The following CCDC88A variants were observed in gnomAD, a reference collection of about 807,000 sequenced individuals.
The protein encoded by CCDC88A is coiled-coil and HOOK domain protein 88A.
A neutral mutation model predicts 234.3 loss-of-function variants in CCDC88A; 54 were observed. That is an observed-to-expected ratio of 0.23 (90% CI 0.19 to 0.29). CCDC88A has a LOEUF of 0.29. Ranked by LOEUF, CCDC88A falls within the 10% of genes least tolerant of loss-of-function variation. The pLI is 1.00. For synonymous variants in CCDC88A, 753 were observed against 737.8 expected (o/e 1.02, Z -0.33); for missense variants, 1,832 against 2,123.4 (o/e 0.86, Z 2.70).
In CCDC88A at chr2:55,332,425, G is replaced by T; in HGVS notation, c.2855+141C>A. On this transcript the variant is annotated intron_variant, in intron 16 of 32. Coordinates refer to ENST00000436346, the MANE Select transcript of CCDC88A (RefSeq NM_001365480.1). The surrounding 1 kb of genome is among the most constrained non-coding windows in gnomAD (Gnocchi z 4.5). ...GTGTGAGCCACCGCACCCGGCTACA[G>T]AACTTTCCTTAAGGGAAGGAAGGAA... The T allele has an allele frequency of 7.4e-7, 1 of 1,347,078 alleles. No individual in the cohort carries two copies. The highest frequency in any genetic ancestry group is 9.5e-7 in the Non-Finnish European group (1 of 1,048,704). The allele number at this position is 1,347,078 out of a possible 1,614,324, so 83.4% of individuals were successfully genotyped here.
chr2:55,291,309 T>G (rs1388549416), intron 32 of CCDC88A, 145 bp from the exon 33 acceptor site: 1 of 154,750 alleles, frequency 6.5e-6, no homozygotes, highest in Non-Finnish European at 1.4e-5. Context: ...CAATCAGAGA[T>G]AATTTTTGAG....
In CCDC88A at chr2:55,296,507, G is replaced by T. The variant is rs1314174388; in HGVS notation, c.4842C>A (p.Asn1614Lys). The T allele has an allele frequency of 6.2e-7, 1 of 1,613,974 alleles. No homozygotes were observed. The highest frequency in any genetic ancestry group is 8.5e-7 in the Non-Finnish European group (1 of 1,179,952). ...LHEVKAGAVN[N>K]QSRPQSHSSG... is the part of the protein sequence containing the mutation. ...TGCTGTGGCTTTGTGGCCTGCTTTG[G>T]TTATTAACTGCACCTGCTTTTGGAG... is the stretch of plus-strand genomic sequence containing the variant. Residue 1614 changes from asparagine to lysine, a missense_variant, in exon 30 of 33, where the codon AAC (asparagine) becomes AAA (lysine). Transcript: ENST00000436346.
At chr2:55,339,789 A>AAT in intron 12 of CCDC88A, 141 bp from the exon 13 acceptor site, 1 of 561,574 alleles carries the variant, frequency 1.8e-6, no homozygotes, top group Non-Finnish European at 2.9e-6. Flanking sequence ...AGGTTATATA[A>AAT]GATAAACAAG....
At chr2:55,357,743 T>C (rs1408220541) in intron 7 of CCDC88A, among the ~76,000 whole-genome samples, 1 of 152,126 alleles carries the variant, frequency 6.6e-6, no homozygotes, top group Non-Finnish European at 1.5e-5. Context: ...CTACCAGAAT[T>C]CATTTCTTTA....
At chr2:55,396,652 C>T (rs779401221) in intron 2 of CCDC88A, among the ~76,000 whole-genome samples, 1 of 152,034 alleles carries the variant, frequency 6.6e-6, no homozygotes, top group African/African-American at 2.4e-5. Flanking sequence ...GGGCAGATCA[C>T]GAGGTCTGGA....
intron 3 of CCDC88A, among the ~76,000 whole-genome samples, chr2:55,386,243 A>G (rs1211322641): frequency 2.6e-5 from 4 of 151,084 alleles, no homozygotes; most frequent in Non-Finnish European, 4.4e-5. Flanking sequence ...AAATACAGAG[A>G]CAGAAGAATT....
At chr2:55,414,910 A>G (rs577008146) in intron 2 of CCDC88A, among the ~76,000 whole-genome samples, 66 of 151,932 alleles carry the variant, frequency 4.3e-4, no homozygotes, top group Non-Finnish European at 7.1e-4. Context: ...CTAAAAAAAT[A>G]CAAAAAATTA....
At chr2:55,409,022 G>T (rs904576141) in intron 2 of CCDC88A, among the ~76,000 whole-genome samples, 1 of 151,018 alleles carries the variant, frequency 6.6e-6, no homozygotes, top group Non-Finnish European at 1.5e-5. Flanking sequence ...AGGTATTTTC[G>T]TCAGTTTCTG....
chr2:55,303,782 T>C (rs1490198694), intron 25 of CCDC88A, among the ~76,000 whole-genome samples: 1 of 152,180 alleles, frequency 6.6e-6, no homozygotes, highest in African/African-American at 2.4e-5. Flanking sequence ...AGTTAAGTCG[T>C]AAAGGTAAAC....
At chr2:55,410,194 A>AG (rs531875293) in intron 2 of CCDC88A, among the ~76,000 whole-genome samples, 33 of 152,286 alleles carry the variant, frequency 2.2e-4, no homozygotes, top group African/African-American at 7.2e-4. Flanking sequence ...CCTTGGGCCA[A>AG]GGAGTACTTG....
chr2:55,399,369 TA>T (rs1312741689), intron 2 of CCDC88A, among the ~76,000 whole-genome samples: 18 of 148,960 alleles, frequency 1.2e-4, no homozygotes, highest in East Asian at 2.0e-4. Flanking sequence ...TACTAAAAAT[TA>T]AAAAAAAAAT....
At chr2:55,414,422 G>A (rs13414738) in intron 2 of CCDC88A, among the ~76,000 whole-genome samples, 2,359 of 152,334 alleles carry the variant, frequency 0.015, 66 homozygotes, top group African/African-American at 0.053. Flanking sequence ...ATCCACTGAA[G>A]TAGGAAAATG....
At chr2:55,396,065 A>ATT (rs55817930) in intron 2 of CCDC88A, among the ~76,000 whole-genome samples, 2,975 of 150,142 alleles carry the variant, frequency 0.02, 41 homozygotes, top group Middle Eastern at 0.028. Context: ...CCATTCTGGT[A>ATT]TTTTTTTTTT....
intron 19 of CCDC88A, among the ~76,000 whole-genome samples, chr2:55,318,444 C>T (rs1055425678): frequency 3.9e-5 from 6 of 151,952 alleles, no homozygotes; most frequent in Non-Finnish European, 8.8e-5. Context: ...AAAGATGGAT[C>T]CTTTGAACTT....
At chr2:55,306,040 T>A (rs966627435) in intron 25 of CCDC88A, 2 of 152,404 alleles carry the variant, frequency 1.3e-5, no homozygotes, top group Non-Finnish European at 2.9e-5. Flanking sequence ...CTCAGCCTCC[T>A]GAGTGGCTGG....
At chr2:55,381,949 A>C (rs142757378) in intron 3 of CCDC88A, among the ~76,000 whole-genome samples, 4 of 152,216 alleles carry the variant, frequency 2.6e-5, no homozygotes, top group African/African-American at 9.6e-5. Context: ...AATTCAGTAC[A>C]TGACAACATT....
chr2:55,357,392 T>C, intron 7 of CCDC88A, among the ~76,000 whole-genome samples: 1 of 146,434 alleles, frequency 6.8e-6, no homozygotes, highest in East Asian at 2.2e-4. Flanking sequence ...CTCCCTCCTC[T>C]CTCTCCTCTC....
At chr2:55,390,925 A>G (rs1676538221) in intron 2 of CCDC88A, among the ~76,000 whole-genome samples, 1 of 152,344 alleles carries the variant, frequency 6.6e-6, no homozygotes, top group East Asian at 1.9e-4. Context: ...GGAATGCCTG[A>G]GGCCAGGTAT....
intron 25 of CCDC88A, among the ~76,000 whole-genome samples, chr2:55,306,519 T>C: frequency 6.6e-6 from 1 of 152,204 alleles, no homozygotes; most frequent in East Asian, 1.9e-4. Context: ...GTATGACTTT[T>C]TACGTTGCTT....
Sources: allele counts gnomAD v4.1 joint callset (sites outside exome capture counted in the v4.1 genomes callset), GRCh38; gene constraint gnomAD v4.1.1; non-coding constraint Gnocchi (gnomAD v3.1); transcripts MANE v1.5; gene names NCBI Gene and HGNC (gene_info 2026-07-23, HGNC 2026-07-21).